KMO: variants seen among roughly 807,000 people sequenced by gnomAD.
The protein encoded by KMO is kynurenine 3-monooxygenase, also known as kynurenine 3-hydroxylase.
KMO carries 24 observed loss-of-function variants against 57.8 expected under a neutral mutation model. The observed-to-expected ratio is 0.42, with a 90% CI of 0.30 to 0.58. KMO has a LOEUF of 0.58. Among genes scored for constraint, KMO ranks in the 20% least tolerant of loss-of-function variants. The probability of loss-of-function intolerance (pLI) is 0.22; values close to 1 mark genes in which losing one functional copy is unlikely to be tolerated. For missense variants in KMO, 483 were observed against 588.2 expected, an observed-to-expected ratio of 0.82 and a Z score of 1.85; for synonymous variants, 210 against 193.6, an observed-to-expected ratio of 1.08 and a Z score of -0.70.
chr1:241,569,067 T>G (rs1662184545), intron 10 of KMO, among the ~76,000 whole-genome samples: 2 of 152,280 alleles, frequency 1.3e-5, no homozygotes, highest in Middle Eastern at 3.4e-3. Context: ...TATATTTATG[T>G]GATACATGCA....
At chr1:241,547,946 C>T (rs116220237) in intron 1 of KMO, among the ~76,000 whole-genome samples, 1 of 152,100 alleles carries the variant, frequency 6.6e-6, no homozygotes, top group African/African-American at 2.4e-5. Flanking sequence ...TGTCCTTTGA[C>T]AGTAGGGCAG....
At chr1:241,572,735 A>G (rs1662349271) in intron 10 of KMO, among the ~76,000 whole-genome samples, 1 of 152,074 alleles carries the variant, frequency 6.6e-6, no homozygotes, top group Non-Finnish European at 1.5e-5. Context: ...ATTTTAGTGC[A>G]TCTGTGACCT....
At chr1:241,571,222 C>A (rs551701735) in intron 10 of KMO, among the ~76,000 whole-genome samples, 1 of 152,098 alleles carries the variant, frequency 6.6e-6, no homozygotes, top group African/African-American at 2.4e-5. Flanking sequence ...ATATTTTCTG[C>A]AAACTAGGAT....
At chr1:241,534,306 T>C (rs1660680037) in intron 1 of KMO, among the ~76,000 whole-genome samples, 1 of 152,124 alleles carries the variant, frequency 6.6e-6, no homozygotes, top group African/African-American at 2.4e-5. Context: ...CTCTTAGAAA[T>C]CCAAGGGAGA....
At chr1:241,554,246 C>A (rs1178222073) in intron 4 of KMO, among the ~76,000 whole-genome samples, 1 of 139,856 alleles carries the variant, frequency 7.2e-6, no homozygotes, top group Non-Finnish European at 1.5e-5. Context: ...TTCCTTCCTT[C>A]CTTCCTTCCT....
chr1:241,574,018 T>C (rs1282959728), intron 10 of KMO, among the ~76,000 whole-genome samples: 1 of 152,092 alleles, frequency 6.6e-6, no homozygotes, highest in Non-Finnish European at 1.5e-5. Context: ...TATTTTATTT[T>C]ATTTTGCAGC....
At chr1:241,556,920 A>G (rs1182427569) in intron 5 of KMO, among the ~76,000 whole-genome samples, 1 of 151,242 alleles carries the variant, frequency 6.6e-6, no homozygotes, top group African/African-American at 2.4e-5. Flanking sequence ...ATAATAATAA[A>G]GATTTGTCTT....
chr1:241,553,413 A>G (rs1244075396), intron 4 of KMO, among the ~76,000 whole-genome samples: 1 of 152,240 alleles, frequency 6.6e-6, no homozygotes, highest in East Asian at 1.9e-4. Flanking sequence ...TGGGCCAAGC[A>G]CAGTGGCTGA....
chr1:241,536,436 AAT>A, intron 1 of KMO: 2 of 872,214 alleles, frequency 2.3e-6, no homozygotes, highest in Non-Finnish European at 2.8e-6. Context: ...AGACTCAGAA[AAT>A]ACTGCTTTTG....
In KMO at chr1:241,592,092, CAT is replaced by C; in HGVS notation, c.1401_1402del (p.Cys468PhefsTer17). On this transcript the variant is annotated frameshift_variant, in exon 15 of 15. Coordinates refer to ENST00000366559, the MANE Select transcript of KMO (RefSeq NM_003679.5). LOFTEE classifies it low-confidence loss of function (END_TRUNC). ...TGGATAGCTCACTTCCGGAATACAA[CAT>C]GTTTCCCCGCAAAGGCCGTGGACTC... The C allele has an allele frequency of 1.2e-6, 2 of 1,614,032 alleles. No homozygotes were observed. Among genetic ancestry groups the C allele is most frequent in the South Asian group, 1.1e-5 (1 of 91,076 alleles).
chr1:241,532,648 T>A (rs1660618642), intron 1 of KMO, 150 bp downstream of exon 1: 1 of 572,660 alleles, frequency 1.7e-6, no homozygotes, highest in African/African-American at 2.0e-5. Context: ...ATTTTTTTAA[T>A]ATTTTTATTT....
Position 241,590,063 on chromosome 1 carries a change from A to G in KMO, c.1150A>G (p.Arg384Gly). ...GTTCATTTTTCAGAAGAACATGGAG[A>G]GATTTCTTCATGCGATTATGCCATC... ...SWFIFQKNME[R>G]FLHAIMPSTF... is the part of the protein sequence containing the mutation. The change falls in exon 13 of 15, where the codon AGA becomes GGA. Residue 384 changes from arginine to glycine, a missense_variant. By Grantham distance (125) the Arg-to-Gly change is moderately radical (BLOSUM62 -2). Around this residue, in one of 3 missense-constraint regions of KMO, gnomAD observed 410 missense variants for 492.3 expected, o/e 0.83. Transcript: ENST00000366559. 6.2e-7 allele frequency: 1 copy of G among 1,614,044 alleles called. No homozygotes were observed.
chr1:241,587,442 C>T (rs1276648670), intron 11 of KMO, among the ~76,000 whole-genome samples: 5 of 152,102 alleles, frequency 3.3e-5, no homozygotes, highest in African/African-American at 7.2e-5. Context: ...GTGTTTTTTG[C>T]CCTATCAAAG....
At chr1:241,569,273 A>C (rs1263007129) in intron 10 of KMO, among the ~76,000 whole-genome samples, 1 of 151,146 alleles carries the variant, frequency 6.6e-6, no homozygotes, top group Non-Finnish European at 1.5e-5. Context: ...TATTCATTCT[A>C]TCTAACTATT....
intron 8 of KMO, among the ~76,000 whole-genome samples, chr1:241,565,906 G>A (rs1192403732): frequency 6.6e-6 from 1 of 151,838 alleles, no homozygotes; most frequent in Non-Finnish European, 1.5e-5. Flanking sequence ...CAACCTATTA[G>A]TAATTTAAAG....
At chr1:241,563,025 A>G (rs750116533) in intron 7 of KMO, among the ~76,000 whole-genome samples, 2 of 152,170 alleles carry the variant, frequency 1.3e-5, no homozygotes, top group Non-Finnish European at 2.9e-5. Flanking sequence ...TCGTTTGTCT[A>G]TGTTCTCTTG....
chr1:241,562,988 G>A (rs982153525), intron 7 of KMO, among the ~76,000 whole-genome samples: 2 of 152,036 alleles, frequency 1.3e-5, no homozygotes, highest in Non-Finnish European at 2.9e-5. Flanking sequence ...CCCTCTTACT[G>A]GAAACACATA....
Position 241,555,650 on chromosome 1 carries a change from T to C in KMO, c.351T>C (p.Asp117=), listed in dbSNP as rs1168345415. The stretch of plus-strand genomic sequence containing the variant: ...TAAGCAGAGAAAATCTAAACAAGGA[T>C]CTATTGACTGGTAAGTCTAATGTTT... ...LSVSRENLNK[D]LLTAAEKYPN... Residue 117 remains aspartate, a synonymous_variant, in exon 5 of 15, where the codon GAT becomes GAC. Transcript: ENST00000366559. 2.6e-6 allele frequency: 4 copies of C among 1,565,850 alleles called. No individual in the cohort carries two copies. Among genetic ancestry groups the C allele is most frequent in the Admixed American group, 3.3e-5 (2 of 59,908 alleles).
At chr1:241,564,449 C>T (rs1188152418) in intron 7 of KMO, among the ~76,000 whole-genome samples, 1 of 151,894 alleles carries the variant, frequency 6.6e-6, no homozygotes, top group Non-Finnish European at 1.5e-5. Context: ...TTATAGGAAA[C>T]AAACGATAAG....
Sources: allele counts gnomAD v4.1 joint callset (sites outside exome capture counted in the v4.1 genomes callset), GRCh38; gene constraint gnomAD v4.1.1; regional missense constraint gnomAD v4.1.1; transcripts MANE v1.5; gene names NCBI Gene and HGNC (gene_info 2026-07-23, HGNC 2026-07-21).